The following PARD3 variants were observed in gnomAD, a reference collection of about 807,000 sequenced individuals.
The protein encoded by PARD3 is par-3 family cell polarity regulator.
PARD3 carries 75 observed loss-of-function variants against 155.4 expected under a neutral mutation model. That is an observed-to-expected ratio of 0.48 (90% CI 0.40 to 0.58). The LOEUF is 0.58. Among genes scored for constraint, PARD3 ranks in the 20% least tolerant of loss-of-function variants. The pLI, the probability that PARD3 is intolerant of heterozygous loss-of-function variation, is 0.00. For synonymous variants in PARD3, 576 were observed against 610.5 expected (o/e 0.94, Z 0.83); for missense variants, 1,642 against 1,721.7 (o/e 0.95, Z 0.82).
At chr10:34,721,651 C>T (rs1207636870) in intron 1 of PARD3, among the ~76,000 whole-genome samples, 1 of 152,228 alleles carries the variant, frequency 6.6e-6, no homozygotes, top group Non-Finnish European at 1.5e-5. Context: ...ACACACAGTT[C>T]CTGTACAGCC....
intron 19 of PARD3, among the ~76,000 whole-genome samples, 191 bp from the exon 20 acceptor site, chr10:34,317,529 G>A (rs1219514952): frequency 1.3e-5 from 2 of 152,138 alleles, no homozygotes; most frequent in African/African-American, 2.4e-5. Context: ...TGCCTCCTAC[G>A]TGAAGATCGT....
chr10:34,626,752 C>T (rs2091998094), intron 2 of PARD3, among the ~76,000 whole-genome samples: 1 of 152,158 alleles, frequency 6.6e-6, no homozygotes, highest in South Asian at 2.1e-4. Flanking sequence ...AACACAGTTG[C>T]ACATACTATA....
At chr10:34,566,687 A>G (rs2085967469) in intron 2 of PARD3, among the ~76,000 whole-genome samples, 1 of 152,210 alleles carries the variant, frequency 6.6e-6, no homozygotes, top group African/African-American at 2.4e-5. Context: ...ACAATAGAAA[A>G]TATTACACAA....
chr10:34,353,586 C>T (rs1055777136), intron 14 of PARD3, among the ~76,000 whole-genome samples: 3 of 152,072 alleles, frequency 2.0e-5, no homozygotes, highest in Non-Finnish European at 4.4e-5. Context: ...TGCGGAAGGC[C>T]GCAGGGTCCT....
intron 22 of PARD3, among the ~76,000 whole-genome samples, chr10:34,219,455 C>T (rs993050504): frequency 6.6e-6 from 1 of 151,986 alleles, no homozygotes; most frequent in African/African-American, 2.4e-5. Flanking sequence ...GGGGTATGCA[C>T]CCCCCTCTTA....
At chr10:34,573,828 C>G (rs1229987744) in intron 2 of PARD3, among the ~76,000 whole-genome samples, 2 of 152,054 alleles carry the variant, frequency 1.3e-5, no homozygotes, top group African/African-American at 2.4e-5. Context: ...GCTTCATGCA[C>G]ACACTCTTCA....
chr10:34,739,654 A>G (rs1419432597), intron 1 of PARD3, among the ~76,000 whole-genome samples: 3 of 152,116 alleles, frequency 2.0e-5, no homozygotes, highest in African/African-American at 7.2e-5. Context: ...ACCTTGTGCA[A>G]CCTCAGTGGT....
At chr10:34,434,830 A>G (rs925223952) in intron 5 of PARD3, among the ~76,000 whole-genome samples, 101 of 152,326 alleles carry the variant, frequency 6.6e-4, no homozygotes, top group African/African-American at 2.4e-3. Context: ...AGGATCCTGG[A>G]CTGTCTTTTC....
chr10:34,450,167 A>C lies in PARD3; in HGVS notation c.714+150T>G, dbSNP rs983458274. 4.6e-6 allele frequency: 3 copies of C among 646,412 alleles called. No individual in the cohort carries two copies. The Admixed American group carries it at 9.2e-5, about 20-fold the overall frequency. The allele number at this position is 646,412 out of a possible 1,614,324, so 40.0% of individuals were successfully genotyped here. A position where few individuals can be genotyped will look rare whatever the true frequency, so the allele number is the denominator to read the frequency against. On this transcript the variant is annotated intron_variant, in intron 5 of 24. Transcript: ENST00000374788. ...GAAATATCCTGCATTTATGTTAGATAAACTCTGACATAGAGATTGGTACTT... is the reference window on the plus strand; with the variant it reads ...GAAATATCCTGCATTTATGTTAGATCAACTCTGACATAGAGATTGGTACTT...
chr10:34,238,862 C>T (rs1299005463), intron 22 of PARD3, among the ~76,000 whole-genome samples: 1 of 152,166 alleles, frequency 6.6e-6, no homozygotes, highest in Admixed American at 6.5e-5. Context: ...TTTTCCAGCT[C>T]TTAATAACTG....
intron 2 of PARD3, among the ~76,000 whole-genome samples, chr10:34,672,110 G>A (rs1200672743): frequency 1.3e-5 from 2 of 152,122 alleles, no homozygotes; most frequent in South Asian, 2.1e-4. Context: ...CGAGGCTGCA[G>A]TGAGCCATGA....
intron 20 of PARD3, among the ~76,000 whole-genome samples, chr10:34,286,553 T>C (rs1956401738): frequency 6.6e-6 from 1 of 152,206 alleles, no homozygotes; most frequent in African/African-American, 2.4e-5. Flanking sequence ...GCCAAGGCCC[T>C]GAGACACAGG....
At chr10:34,359,955 G>T in intron 13 of PARD3, 116 bp downstream of exon 13, 1 of 732,598 alleles carries the variant, frequency 1.4e-6, no homozygotes, top group Non-Finnish European at 2.3e-6. Flanking sequence ...ATGTGAATGT[G>T]GGTACCATAA....
chr10:34,789,653 C>T (rs1488713448), intron 1 of PARD3, among the ~76,000 whole-genome samples: 1 of 152,060 alleles, frequency 6.6e-6, no homozygotes, highest in Admixed American at 6.6e-5. Context: ...ACCATGAGCT[C>T]TGATAGCACC....
Position 34,666,062 on chromosome 10 carries a change from T to A in PARD3, c.222+30256A>T, listed in dbSNP as rs12242712. Among the ~76,000 whole-genome samples the A allele has an allele frequency of 9.7e-3, 1,459 of 150,176 alleles. 16 individuals carry two copies. The highest frequency in any genetic ancestry group is 0.034 in the African/African-American group (1,389 of 40,762). Reference sequence around the variant, plus strand: ...ACCCTGACTCTACCAAAAAAAAAATTAAATTAAATTAGCCAGGCATGGTGG... The same window carrying A: ...ACCCTGACTCTACCAAAAAAAAAATAAAATTAAATTAGCCAGGCATGGTGG... On this transcript the variant is annotated intron_variant, in intron 2 of 24. Transcript: ENST00000374788.
At chr10:34,371,203 T>C (rs115863943) in intron 12 of PARD3, among the ~76,000 whole-genome samples, 1,627 of 152,084 alleles carry the variant, frequency 0.011, 22 homozygotes, top group African/African-American at 0.036. Flanking sequence ...TAGAATCAAT[T>C]TGTCCAATTT....
rs1360815122 is a variant in PARD3, at chr10:34,605,592, C to A, written c.223-88433G>T. Among the ~76,000 whole-genome samples, 4 of 26,236 alleles carry A rather than the reference C, an allele frequency of 1.5e-4. 2 individuals carry two copies. The African/African-American group carries it at 2.0e-3, about 13-fold the overall frequency. 17.2% of individuals were successfully genotyped at this position (26,236 alleles called of 152,430 possible). ...TATATATATCTCCTATATATATCTC[C>A]TATATATATATATCTCCTATATATA... On this transcript the variant is annotated intron_variant, in intron 2 of 24. Transcript: ENST00000374788.
chr10:34,766,380 T>G (rs575838102), intron 1 of PARD3, among the ~76,000 whole-genome samples: 1 of 152,310 alleles, frequency 6.6e-6, no homozygotes, highest in East Asian at 1.9e-4. Flanking sequence ...ACATCTGCTC[T>G]GCCAGAAGCT....
intron 1 of PARD3, among the ~76,000 whole-genome samples, chr10:34,778,463 C>G (rs1362377044): frequency 2.0e-5 from 3 of 152,170 alleles, no homozygotes; most frequent in Non-Finnish European, 4.4e-5. Context: ...GTTTGTGTTG[C>G]TAAATGGCAA....
Sources: allele counts gnomAD v4.1 joint callset (sites outside exome capture counted in the v4.1 genomes callset), GRCh38; gene constraint gnomAD v4.1.1; transcripts MANE v1.5; gene names NCBI Gene and HGNC (gene_info 2026-07-23, HGNC 2026-07-21).